GLIS3: variants seen among roughly 807,000 people sequenced by gnomAD.
GLIS3 encodes the protein GLIS family zinc finger 3, also known as zinc finger protein GLIS3.
In GLIS3, 53 loss-of-function variants were observed where a neutral mutation model predicts 78.6. The ratio of observed to expected loss-of-function variants is 0.67; its 90% confidence interval spans 0.54 to 0.85. The LOEUF (loss-of-function observed/expected upper bound fraction) is 0.85. GLIS3 is among the 40% of genes least tolerant of loss of function. GLIS3 has a pLI of 0.00. For missense variants in GLIS3, 1,703 were observed against 1,231.1 expected, an observed-to-expected ratio of 1.38 and a Z score of -5.74; for synonymous variants, 684 against 509.9, an observed-to-expected ratio of 1.34 and a Z score of -4.60.
intron 2 of GLIS3, among the ~76,000 whole-genome samples, chr9:4,314,440 G>A (rs1342223710): frequency 6.6e-6 from 1 of 152,192 alleles, no homozygotes; most frequent in Non-Finnish European, 1.5e-5. Context: ...CAATATGTTT[G>A]CATGTGCATA....
At chr9:4,076,092 A>G (rs976249028) in intron 4 of GLIS3, among the ~76,000 whole-genome samples, 20 of 152,218 alleles carry the variant, frequency 1.3e-4, no homozygotes, top group African/African-American at 4.6e-4. Flanking sequence ...ATGGAACTTT[A>G]TATTTAAAAT....
chr9:4,161,090 AAAAAAG>A (rs1835437630), intron 2 of GLIS3, among the ~76,000 whole-genome samples: 1 of 151,248 alleles, frequency 6.6e-6, no homozygotes, highest in Admixed American at 6.6e-5. Context: ...AAAAAAAAAA[AAAAAAG>A]AAAGAAAGAA....
intron 2 of GLIS3, among the ~76,000 whole-genome samples, chr9:4,167,846 T>C (rs564914393): frequency 6.6e-6 from 1 of 152,336 alleles, no homozygotes; most frequent in Admixed American, 6.5e-5. Context: ...GTCCTCTTTG[T>C]GAGTGTTTCC....
At chr9:3,858,644 A>G (rs1045024493) in intron 8 of GLIS3, among the ~76,000 whole-genome samples, 7 of 152,220 alleles carry the variant, frequency 4.6e-5, no homozygotes, top group Non-Finnish European at 1.0e-4. Context: ...GTATTAATAG[A>G]AATTTAAATA....
chr9:4,387,935 G>A, the GLIS3 span, among the ~76,000 whole-genome samples: 2 of 152,142 alleles, frequency 1.3e-5, no homozygotes, highest in Non-Finnish European at 2.9e-5. Context: ...ATTTTAAACT[G>A]TGGAAAAACG....
intron 4 of GLIS3, among the ~76,000 whole-genome samples, chr9:3,987,223 G>C (rs796276533): frequency 1.4e-4 from 21 of 152,102 alleles, no homozygotes; most frequent in African/African-American, 5.1e-4. Flanking sequence ...AGGTGAGAGA[G>C]GACAAAATTA....
intron 2 of GLIS3, among the ~76,000 whole-genome samples, chr9:4,156,970 G>A (rs747814089): frequency 6.6e-6 from 1 of 152,172 alleles, no homozygotes; most frequent in Non-Finnish European, 1.5e-5. Flanking sequence ...AAACCTGGGG[G>A]TAGGGTCAAC....
intron 4 of GLIS3, among the ~76,000 whole-genome samples, chr9:3,987,309 C>T (rs1489384696): frequency 1.3e-5 from 2 of 152,028 alleles, no homozygotes; most frequent in African/African-American, 4.8e-5. Context: ...AAAAAATTAA[C>T]AGCTCCTCAG....
chr9:4,296,292 GAAAAA>G (rs201201304), intron 1 of GLIS3, among the ~76,000 whole-genome samples: 1 of 116,272 alleles, frequency 8.6e-6, no homozygotes, highest in Non-Finnish European at 1.8e-5. Flanking sequence ...ACAGTCAGAG[GAAAAA>G]AAAAAAAAAA....
chr9:4,478,436 C>T, the GLIS3 span, among the ~76,000 whole-genome samples: 1 of 152,024 alleles, frequency 6.6e-6, no homozygotes, highest in African/African-American at 2.4e-5. Context: ...CATGGTGAAA[C>T]CCCCTCTCTA....
At chr9:4,218,117 T>C (rs892405420) in intron 2 of GLIS3, among the ~76,000 whole-genome samples, 2 of 152,234 alleles carry the variant, frequency 1.3e-5, no homozygotes, top group South Asian at 2.1e-4. Context: ...TCTACCCAGT[T>C]GCTGCAGCTG....
At chr9:4,221,562 T>C (rs1231256179) in intron 2 of GLIS3, among the ~76,000 whole-genome samples, 1 of 152,206 alleles carries the variant, frequency 6.6e-6, no homozygotes, top group African/African-American at 2.4e-5. Flanking sequence ...CTAGATTTAA[T>C]TCAGATACCT....
intron 4 of GLIS3, among the ~76,000 whole-genome samples, chr9:4,021,576 T>C (rs989280774): frequency 5.3e-5 from 8 of 152,176 alleles, no homozygotes; most frequent in Non-Finnish European, 1.2e-4. Context: ...TAAGCATCCA[T>C]TGTACATTAG....
chr9:4,225,805 C>T (rs185636993), intron 2 of GLIS3, among the ~76,000 whole-genome samples: 18 of 152,216 alleles, frequency 1.2e-4, no homozygotes, highest in Admixed American at 7.2e-4. Context: ...ATTCATCCTA[C>T]GAGTCATGAA....
chr9:3,999,869 T>C (rs569260354), intron 4 of GLIS3, among the ~76,000 whole-genome samples: 1 of 152,132 alleles, frequency 6.6e-6, no homozygotes, highest in Non-Finnish European at 1.5e-5. Flanking sequence ...AACATAGTAA[T>C]TACGCAATGC....
intron 4 of GLIS3, among the ~76,000 whole-genome samples, chr9:3,994,050 A>G (rs1030690065): frequency 6.6e-6 from 1 of 152,202 alleles, no homozygotes; most frequent in African/African-American, 2.4e-5. Flanking sequence ...GAGTTTGCTG[A>G]CTGAGAAGGT....
rs760776373 is a variant in GLIS3 at position 4,117,815 on chromosome 9, G to T, written c.1663C>A (p.Leu555Met). Residue 555 changes from leucine (L) to methionine (M), a missense_variant, in exon 4 of 11, where the codon CTG (leucine) becomes ATG (methionine). Coordinates refer to ENST00000381971, the MANE Select transcript of GLIS3 (RefSeq NM_001042413.2). ...YKPFNARYKL[L>M]IHMRVHSGEK... ...CCAGAGTGGACTCTCATGTGGATCA[G>T]CAGTTTATAGCGGGCGTTGAAGGGC... 3 of 1,614,192 alleles carry T rather than the reference G, an allele frequency of 1.9e-6. No individual in the cohort carries two copies. The highest frequency in any genetic ancestry group is 2.5e-6 in the Non-Finnish European group (3 of 1,180,036).
At chr9:4,089,384 A>T (rs148596189) in intron 4 of GLIS3, among the ~76,000 whole-genome samples, 162 of 152,308 alleles carry the variant, frequency 1.1e-3, no homozygotes, top group African/African-American at 3.8e-3. Flanking sequence ...GAGAAAATGT[A>T]TATGTGTGTG....
rs1394916942 is a variant in GLIS3, at chr9:4,110,818, T to G, written c.1710+6950A>C. On this transcript the variant is annotated intron_variant, in intron 4 of 10. Transcript: ENST00000381971. ...ACCTGGAAAAAAAAATAAACATCTC[T>G]TTCCCAAATCATTCTACTCAGAACT... 3.3e-5 allele frequency among the ~76,000 whole-genome samples: 5 copies of G among 152,216 alleles called. No homozygotes were observed. The East Asian group carries it at 9.6e-4, about 29-fold the overall frequency.
Sources: allele counts gnomAD v4.1 joint callset (sites outside exome capture counted in the v4.1 genomes callset), GRCh38; gene constraint gnomAD v4.1.1; transcripts MANE v1.5; gene names NCBI Gene and HGNC (gene_info 2026-07-23, HGNC 2026-07-21).